Variants in STIL observed in about 807,000 individuals in gnomAD.
STIL encodes the protein STIL centriolar assembly protein.
In STIL, 55 loss-of-function variants were observed where a neutral mutation model predicts 110.1. The observed-to-expected ratio is 0.50, with a 90% CI of 0.40 to 0.63. STIL has a LOEUF of 0.63. STIL is among the 20% of genes least tolerant of loss of function. The pLI is 0.00. For missense variants in STIL, 1,358 were observed against 1,530.0 expected, an observed-to-expected ratio of 0.89 and a Z score of 1.87; for synonymous variants, 481 against 530.0, an observed-to-expected ratio of 0.91 and a Z score of 1.27.
chr1:47,269,581 C>CA, intron 14 of STIL, 54 bp downstream of exon 14: 8 of 1,446,702 alleles, frequency 5.5e-6, no homozygotes, highest in Non-Finnish European at 7.7e-6. Flanking sequence ...ATTTGTCTAT[C>CA]AAAAAAAATT....
At chr1:47,314,226 GC>G (rs1247188726), upstream of STIL, 1 of 152,272 alleles carries the variant, frequency 6.6e-6, no homozygotes, top group African/African-American at 2.4e-5. Flanking sequence ...CAGTCAGGGA[GC>G]GGGGGTGGTG....
At chr1:47,303,738 C>T (rs1473762274) in intron 3 of STIL, among the ~76,000 whole-genome samples, 1 of 152,148 alleles carries the variant, frequency 6.6e-6, no homozygotes, top group African/African-American at 2.4e-5. Context: ...TAAGACTCTC[C>T]CTATTTTTGT....
chr1:47,303,207 A>G (rs985669403), intron 3 of STIL, among the ~76,000 whole-genome samples: 3 of 152,250 alleles, frequency 2.0e-5, no homozygotes, highest in Non-Finnish European at 2.9e-5. Context: ...TTGTTATTCT[A>G]TTAACTATGC....
chr1:47,252,336 C>A (rs1644208100), intron 16 of STIL, among the ~76,000 whole-genome samples: 1 of 152,060 alleles, frequency 6.6e-6, no homozygotes, highest in Admixed American at 6.5e-5. Context: ...GAGCCATGAT[C>A]GTGCCACTGC....
chr1:47,286,477 G>C (rs1021734037), intron 10 of STIL, among the ~76,000 whole-genome samples: 2 of 151,942 alleles, frequency 1.3e-5, no homozygotes, highest in African/African-American at 4.8e-5. Context: ...GGGAGGCTGA[G>C]GTGGGTGGAT....
chr1:47,275,735 C>T (rs1247427000), intron 12 of STIL, among the ~76,000 whole-genome samples: 1 of 151,894 alleles, frequency 6.6e-6, no homozygotes, highest in Non-Finnish European at 1.5e-5. Context: ...AGCAATCCTC[C>T]TGCTTCAGTC....
chr1:47,275,333 G>C (rs1171178602), intron 12 of STIL, among the ~76,000 whole-genome samples: 2 of 151,098 alleles, frequency 1.3e-5, no homozygotes, highest in East Asian at 3.9e-4. Flanking sequence ...TTTTTGCTGG[G>C]CGCGGTGGCT....
Position 47,280,804 on chromosome 1 carries a change from G to C in STIL, c.1654C>G (p.Pro552Ala). The C allele has an allele frequency of 6.2e-7, 1 of 1,614,132 alleles. No individual in the cohort carries two copies. The change falls in exon 12 of 17, where the codon CCT becomes GCT. Residue 552 changes from proline (P) to alanine (A), a missense_variant. Physicochemically the swap from Pro to Ala is conservative, Grantham distance 27. Coordinates refer to ENST00000371877, the MANE Select transcript of STIL (RefSeq NM_001048166.1). ...SAGNVQNEEY[P>A]IRPSTLNSRQ... ...GAATTAAGTGTGGAGGGTCTTATAG[G>C]ATACTCTTCGTTTTGTACATTTCCA...
chr1:47,265,123 C>A (rs1644599306), intron 14 of STIL, among the ~76,000 whole-genome samples: 1 of 148,160 alleles, frequency 6.7e-6, no homozygotes, highest in South Asian at 2.1e-4. Flanking sequence ...GTAATCCCAG[C>A]TACTTGAGAG....
intron 8 of STIL, among the ~76,000 whole-genome samples, chr1:47,289,983 A>G (rs761102913): frequency 6.6e-6 from 1 of 151,876 alleles, no homozygotes; most frequent in Non-Finnish European, 1.5e-5. Context: ...ATTCAAAATT[A>G]ATTTTACTGA....
chr1:47,261,103 A>G (rs1198107959), intron 15 of STIL, among the ~76,000 whole-genome samples: 1 of 151,634 alleles, frequency 6.6e-6, no homozygotes, highest in Non-Finnish European at 1.5e-5. Flanking sequence ...AAAAACCAAC[A>G]TAAGCTGGGC....
At chr1:47,290,294 T>G in intron 8 of STIL, among the ~76,000 whole-genome samples, 1 of 152,206 alleles carries the variant, frequency 6.6e-6, no homozygotes, top group Non-Finnish European at 1.5e-5. Flanking sequence ...GGAAAAATAT[T>G]GTTAAACTTA....
At chr1:47,303,691 TA>T (rs1333964653) in intron 3 of STIL, among the ~76,000 whole-genome samples, 2 of 152,000 alleles carry the variant, frequency 1.3e-5, no homozygotes, top group Non-Finnish European at 2.9e-5. Context: ...ATAAAAAAAA[TA>T]AAAACAGGAC....
chr1:47,307,788 C>T (rs899220644), intron 2 of STIL, among the ~76,000 whole-genome samples: 2 of 152,166 alleles, frequency 1.3e-5, no homozygotes, highest in African/African-American at 4.8e-5. Context: ...GGAGAAATAT[C>T]ACTGAATTCT....
intron 15 of STIL, 77 bp from the exon 16 acceptor site, chr1:47,260,616 T>A: frequency 1.4e-6 from 2 of 1,466,850 alleles, no homozygotes; most frequent in Non-Finnish European, 9.5e-7. Context: ...TTCACACCTA[T>A]AATCCCAGCA....
chr1:47,269,353 G>T (rs902052008), intron 14 of STIL, among the ~76,000 whole-genome samples: 17 of 151,600 alleles, frequency 1.1e-4, no homozygotes, highest in Non-Finnish European at 2.1e-4. Context: ...AGACTTTAAA[G>T]AAATTAGAAT....
At chr1:47,301,397 A>G (rs1244006387) in intron 5 of STIL, among the ~76,000 whole-genome samples, 164 bp downstream of exon 5, 1 of 152,182 alleles carries the variant, frequency 6.6e-6, no homozygotes, top group East Asian at 1.9e-4. Context: ...TCGCTTACCT[A>G]GAGTTTTTGC....
intron 3 of STIL, among the ~76,000 whole-genome samples, chr1:47,304,460 A>C (rs569878494): frequency 2.4e-4 from 36 of 152,338 alleles, no homozygotes; most frequent in Non-Finnish European, 4.7e-4. Flanking sequence ...CTTATGTACA[A>C]AACCTCAATA....
chr1:47,297,629 A>G (rs972330160), intron 6 of STIL, among the ~76,000 whole-genome samples: 1 of 151,976 alleles, frequency 6.6e-6, no homozygotes, highest in South Asian at 2.1e-4. Context: ...CTAGCTGGAG[A>G]GCAGTGGCTA....
Sources: gnomAD v4.1 joint callset for allele counts (sites outside exome capture counted in the v4.1 genomes callset) on GRCh38, gnomAD v4.1.1 for gene constraint, MANE v1.5 for transcripts, NCBI Gene and HGNC (gene_info 2026-07-23, HGNC 2026-07-21) for gene names.